The following ADAMTS2 variants were observed in gnomAD, a reference collection of about 807,000 sequenced individuals.
ADAMTS2 encodes ADAM metallopeptidase with thrombospondin type 1 motif 2, also known as A disintegrin and metalloproteinase with thrombospondin motifs 2.
A neutral mutation model predicts 123.0 loss-of-function variants in ADAMTS2; 50 were observed. The observed-to-expected ratio is 0.41, with a 90% CI of 0.32 to 0.51. The LOEUF is 0.51. Ranked by LOEUF, ADAMTS2 falls within the 20% of genes least tolerant of loss-of-function variation. ADAMTS2 has a pLI of 0.35. For synonymous variants in ADAMTS2, 678 were observed against 695.4 expected (o/e 0.98, Z 0.39); for missense variants, 1,494 against 1,705.2 (o/e 0.88, Z 2.18).
chr5:179,140,098 G>T (rs555059806), intron 10 of ADAMTS2, 63 bp from the exon 11 acceptor site: 3 of 1,609,246 alleles, frequency 1.9e-6, no homozygotes, highest in South Asian at 1.1e-5. Flanking sequence ...ACAGTCCTGC[G>T]CTCTGCAGCC....
At chr5:179,215,775 G>A (rs887426652) in intron 3 of ADAMTS2, among the ~76,000 whole-genome samples, 1 of 152,114 alleles carries the variant, frequency 6.6e-6, no homozygotes, top group Non-Finnish European at 1.5e-5. Flanking sequence ...AGAATAAGAA[G>A]GGGGAAAATC....
intron 7 of ADAMTS2, among the ~76,000 whole-genome samples, chr5:179,154,591 C>T (rs553577762): frequency 2.6e-5 from 4 of 152,236 alleles, no homozygotes; most frequent in Non-Finnish European, 4.4e-5. Context: ...TGGCCCAGAG[C>T]GCCTGCTCAG....
intron 3 of ADAMTS2, among the ~76,000 whole-genome samples, chr5:179,264,940 ACCCCTG>A (rs1186322676): frequency 0.076 from 6,106 of 80,096 alleles, 243 homozygotes; most frequent in East Asian, 0.16. Context: ...GAGCGCGCTG[ACCCCTG>A]CACCAGCGCT....
chr5:179,259,623 A>G (rs340123), intron 3 of ADAMTS2, among the ~76,000 whole-genome samples: 144,105 of 152,324 alleles, frequency 0.95, 68,697 homozygotes, highest in East Asian at 1. Context: ...GGCACCAAAC[A>G]GGCCTGTGGC....
At chr5:179,244,986 T>A (rs1375299379) in intron 3 of ADAMTS2, among the ~76,000 whole-genome samples, 2 of 152,236 alleles carry the variant, frequency 1.3e-5, no homozygotes, top group Non-Finnish European at 2.9e-5. Flanking sequence ...TCCAAAGATG[T>A]TCACATTCTA....
rs572402625 is a variant in ADAMTS2, at chr5:179,132,491, A to G, written c.2210-181T>C. 1.4e-3 allele frequency among the ~76,000 whole-genome samples: 213 copies of G among 152,112 alleles called. 1 individual carries two copies. The highest frequency in any genetic ancestry group is 4.8e-3 in the African/African-American group (199 of 41,496). On this transcript the variant is annotated intron_variant, in intron 14 of 21. Transcript: ENST00000251582. The surrounding 1 kb of genome is among the most constrained non-coding windows in gnomAD (Gnocchi z 6.1). ...GGCCACCAGGAAAGCTGCTGCCTCCAGGCTAGTCTTTAAGGCCCAACCCGG... is the reference window on the plus strand; with the variant it reads ...GGCCACCAGGAAAGCTGCTGCCTCCGGGCTAGTCTTTAAGGCCCAACCCGG...
chr5:179,311,368 C>T (rs1191034379), intron 2 of ADAMTS2, among the ~76,000 whole-genome samples: 1 of 152,228 alleles, frequency 6.6e-6, no homozygotes, highest in Non-Finnish European at 1.5e-5. Context: ...AGAGGCACAG[C>T]AATGGGCCAG....
chr5:179,309,634 G>A (rs573261379), intron 2 of ADAMTS2, among the ~76,000 whole-genome samples: 7 of 151,858 alleles, frequency 4.6e-5, no homozygotes, highest in Non-Finnish European at 7.4e-5. Flanking sequence ...GGCACGCACC[G>A]GTAACCCCAG....
intron 1 of ADAMTS2, among the ~76,000 whole-genome samples, chr5:179,344,539 G>T (rs550013824): frequency 1.1e-3 from 169 of 152,346 alleles, no homozygotes; most frequent in African/African-American, 3.8e-3. Flanking sequence ...GGAGCTGCTC[G>T]GAAGCCATTC....
rs560626344 is a variant in ADAMTS2 at position 179,162,575 on chromosome 5, C to T, written c.976-3696G>A. Among the ~76,000 whole-genome samples the T allele has an allele frequency of 6.6e-5, 10 of 152,266 alleles. No homozygotes were observed. The East Asian group carries it at 1.7e-3, about 27-fold the overall frequency. ...ATACCGTATGGGCCCCTCCTGGGGCCGTCACCCATGTCAGCTTTACCCCAC... is the reference window on the plus strand; with the variant it reads ...ATACCGTATGGGCCCCTCCTGGGGCTGTCACCCATGTCAGCTTTACCCCAC... On this transcript the variant is annotated intron_variant, in intron 5 of 21. Transcript: ENST00000251582. This position sits in a 1 kb window ranked among gnomAD's most constrained non-coding sequence, Gnocchi z 5.1.
intron 3 of ADAMTS2, among the ~76,000 whole-genome samples, chr5:179,219,407 G>T (rs1381464779): frequency 6.6e-6 from 1 of 152,228 alleles, no homozygotes; most frequent in Non-Finnish European, 1.5e-5. Context: ...AGCCAAATGT[G>T]CTGGCCTGAG....
chr5:179,246,326 TCTCGGAGCTTCCCCAGGA>T (rs1428022732), intron 3 of ADAMTS2, among the ~76,000 whole-genome samples: 2 of 152,184 alleles, frequency 1.3e-5, no homozygotes, highest in Non-Finnish European at 2.9e-5. Flanking sequence ...GTTTCAACTG[TCTCGGAGCTTCCCCAGGA>T]CTGAAGTGGT....
chr5:179,289,111 G>A (rs951030211), intron 2 of ADAMTS2, among the ~76,000 whole-genome samples: 14 of 152,024 alleles, frequency 9.2e-5, no homozygotes, highest in African/African-American at 3.1e-4. Flanking sequence ...ACAGGACTGC[G>A]CCCCTCCTGC....
chr5:179,113,570 G>A lies in ADAMTS2; in HGVS notation c.*297C>T. 1 of 449,364 alleles carries A rather than the reference G, an allele frequency of 2.2e-6. No homozygotes were observed. 27.8% of individuals were successfully genotyped at this position (449,364 alleles called of 1,614,324 possible). On this transcript the variant is annotated 3_prime_UTR_variant, in exon 22 of 22. Transcript: ENST00000251582. ...CTTGGGGCCTATTTTTGTTCTCTCA[G>A]AGTGATCCCTCTTGCCCTGCCCTCA...
intron 10 of ADAMTS2, among the ~76,000 whole-genome samples, chr5:179,149,629 C>T (rs1259176487): frequency 1.3e-5 from 2 of 152,262 alleles, no homozygotes; most frequent in East Asian, 3.9e-4. Flanking sequence ...AGGGTCCTTG[C>T]GGGAAAGGGT....
rs183042020 is a variant in ADAMTS2 at position 179,291,338 on chromosome 5, C to G, written c.535-18274G>C. 9.2e-3 allele frequency among the ~76,000 whole-genome samples: 1,401 copies of G among 152,324 alleles called. 10 individuals carry two copies. The highest frequency in any genetic ancestry group is 0.015 in the Non-Finnish European group (1,008 of 68,022). On this transcript the variant is annotated intron_variant, in intron 2 of 21. Transcript: ENST00000251582. ...TCACTCTGTGCCTCTGTCACTGGTG[C>G]CCAGGGCGGTGGCCCACACCCTCAA...
intron 3 of ADAMTS2, among the ~76,000 whole-genome samples, chr5:179,223,383 C>T (rs1035349284): frequency 2.3e-4 from 25 of 110,662 alleles, no homozygotes; most frequent in African/African-American, 1.0e-4. Flanking sequence ...CACGCACACA[C>T]GAATGCACTC....
At chr5:179,187,957 C>T (rs535317440) in intron 4 of ADAMTS2, among the ~76,000 whole-genome samples, 1 of 152,272 alleles carries the variant, frequency 6.6e-6, no homozygotes. Flanking sequence ...CAGAGTTCCA[C>T]CCAGGGGATG....
At chr5:179,207,907 A>G (rs1164531945) in intron 3 of ADAMTS2, among the ~76,000 whole-genome samples, 192 bp from the exon 4 acceptor site, 1 of 152,166 alleles carries the variant, frequency 6.6e-6, no homozygotes, top group Non-Finnish European at 1.5e-5. Flanking sequence ...CAGACACAGC[A>G]GGGCCCAGAC....
Sources: allele counts gnomAD v4.1 joint callset (sites outside exome capture counted in the v4.1 genomes callset), GRCh38; gene constraint gnomAD v4.1.1; non-coding constraint Gnocchi (gnomAD v3.1); transcripts MANE v1.5; gene names NCBI Gene and HGNC (gene_info 2026-07-23, HGNC 2026-07-21).